The following ACSM6 variants were observed in gnomAD, a reference collection of about 807,000 sequenced individuals.
ACSM6 encodes acyl-coenzyme A synthetase ACSM6, mitochondrial.
ACSM6 carries 35 observed loss-of-function variants against 51.1 expected under a neutral mutation model. The ratio of observed to expected loss-of-function variants is 0.69; its 90% confidence interval spans 0.52 to 0.91. The LOEUF (loss-of-function observed/expected upper bound fraction) is 0.91, where lower values mean the gene tolerates loss of function less well. ACSM6 is among the 40% of genes least tolerant of loss of function. The pLI, the probability that ACSM6 is intolerant of heterozygous loss-of-function variation, is 0.00. For missense variants in ACSM6, 509 were observed against 584.1 expected (o/e 0.87, Z 1.32); for synonymous variants, 172 against 207.3 (o/e 0.83, Z 1.46).
At position 95,225,055 on chromosome 10, in the gene ACSM6, A is replaced by G. The variant is rs539925841; in HGVS notation, c.1201-235A>G. On this transcript the variant is annotated intron_variant, in intron 9 of 10. Transcript: ENST00000341686. ...ACAGAGAAGTATCCAAGAATCTCAG[A>G]GTCAGAAGGTGTCAGAGTGGACATG... Among the ~76,000 whole-genome samples, 6 of 152,350 alleles carry G rather than the reference A, an allele frequency of 3.9e-5. No homozygotes were observed. The South Asian group carries it at 1.2e-3, about 32-fold the overall frequency.
intron 2 of ACSM6, among the ~76,000 whole-genome samples, chr10:95,200,175 T>G (rs1039069569): frequency 3.3e-5 from 5 of 151,996 alleles, no homozygotes. Context: ...CCATAAAAAA[T>G]GATGAGTTCA....
In ACSM6 at chr10:95,225,280, C is replaced by T. The variant is rs1220084546; in HGVS notation, c.1201-10C>T. 4 of 1,532,548 alleles carry T rather than the reference C, an allele frequency of 2.6e-6. No homozygotes were observed. The highest frequency in any genetic ancestry group is 1.4e-5 in the African/African-American group (1 of 72,594). The allele number at this position is 1,532,548 out of a possible 1,614,324, so 94.9% of individuals were successfully genotyped here. A position where few individuals can be genotyped will look rare whatever the true frequency, so the allele number is the denominator to read the frequency against. ...TAAGGAAAATTCCTTTAGTGATTAT[C>T]TAATTTCAGATTGTGGATGAAAACT... is the stretch of plus-strand genomic sequence containing the variant. On this transcript the variant is annotated splice_polypyrimidine_tract_variant and intron_variant, in intron 9 of 10. Coordinates refer to ENST00000341686, the Ensembl canonical transcript of ACSM6.
At chr10:95,220,468 A>T (rs1349589773) in intron 9 of ACSM6, among the ~76,000 whole-genome samples, 6 of 152,196 alleles carry the variant, frequency 3.9e-5, no homozygotes, top group Non-Finnish European at 8.8e-5. Context: ...TGGTAGGGCA[A>T]ATGCTGTGTC....
rs190203176 is a variant in ACSM6 at position 95,202,559 on chromosome 10, T to C, written c.403+364T>C. ...GTAGACCTCTGTCCTAACATAGTCATCATCAAAACAACAGACAGAGCATGC... is the reference window on the plus strand; with the variant it reads ...GTAGACCTCTGTCCTAACATAGTCACCATCAAAACAACAGACAGAGCATGC... On this transcript the variant is annotated intron_variant, in intron 3 of 10. Transcript: ENST00000341686. Among the ~76,000 whole-genome samples, 15 of 152,304 alleles carry C rather than the reference T, an allele frequency of 9.8e-5. No individual in the cohort carries two copies. In the East Asian group the frequency reaches 2.7e-3, roughly 27 times the overall value.
chr10:95,227,738 A>G (rs145785742), intron 10 of ACSM6, among the ~76,000 whole-genome samples: 146 of 152,346 alleles, frequency 9.6e-4, no homozygotes, highest in Non-Finnish European at 1.8e-3. Context: ...ATCTGGACAC[A>G]TTGGTGACGT....
At chr10:95,204,464 G>A (rs1157839379) in intron 3 of ACSM6, among the ~76,000 whole-genome samples, 2 of 152,224 alleles carry the variant, frequency 1.3e-5, no homozygotes, top group East Asian at 1.9e-4. Flanking sequence ...TGAGGCAGGA[G>A]AATCGCTTGA....
chr10:95,216,626 T>C (rs1465717768), intron 8 of ACSM6, among the ~76,000 whole-genome samples: 7 of 152,020 alleles, frequency 4.6e-5, no homozygotes, highest in Non-Finnish European at 5.9e-5. Flanking sequence ...GAATTGCACA[T>C]AGCGTCAGAG....
intron 3 of ACSM6, among the ~76,000 whole-genome samples, chr10:95,203,379 A>G (rs550085435): frequency 6.6e-6 from 1 of 152,294 alleles, no homozygotes; most frequent in Non-Finnish European, 1.5e-5. Flanking sequence ...TAAAGTGCAC[A>G]ATAAATGTAA....
chr10:95,211,566 C>G (rs1012360797), intron 5 of ACSM6, among the ~76,000 whole-genome samples: 3 of 152,204 alleles, frequency 2.0e-5, no homozygotes, highest in Admixed American at 6.5e-5. Context: ...ACAGGGGAAG[C>G]TGAGATCACT....
intron 2 of ACSM6, among the ~76,000 whole-genome samples, chr10:95,195,838 ACTTCT>A (rs2034719879): frequency 6.6e-6 from 1 of 152,192 alleles, no homozygotes; most frequent in Non-Finnish European, 1.5e-5. Flanking sequence ...AAGAGGGAAG[ACTTCT>A]GTTTAGGAGA....
At chr10:95,198,756 G>T (rs1246372631) in intron 2 of ACSM6, among the ~76,000 whole-genome samples, 1 of 152,164 alleles carries the variant, frequency 6.6e-6, no homozygotes, top group Non-Finnish European at 1.5e-5. Context: ...AAAATTAATG[G>T]CAGGGGAGAG....
intron 2 of ACSM6, among the ~76,000 whole-genome samples, chr10:95,195,910 A>T (rs780719483): frequency 2.0e-5 from 3 of 152,066 alleles, no homozygotes; most frequent in Non-Finnish European, 4.4e-5. Flanking sequence ...AAGGATTGTG[A>T]AAGCTCCTTG....
At chr10:95,201,205 T>G (rs1458086850) in intron 2 of ACSM6, among the ~76,000 whole-genome samples, 2 of 152,206 alleles carry the variant, frequency 1.3e-5, no homozygotes, top group Non-Finnish European at 2.9e-5. Context: ...GAGGTGCATG[T>G]GCAGGTTTGT....
At chr10:95,202,451 G>A (rs567842607) in intron 3 of ACSM6, among the ~76,000 whole-genome samples, 4 of 152,160 alleles carry the variant, frequency 2.6e-5, no homozygotes, top group South Asian at 2.1e-4. Context: ...GAACTGTTAC[G>A]GTCCAGTCTT....
Position 95,201,968 on chromosome 10 carries a change from A to G in ACSM6, c.193-17A>G. The G allele has an allele frequency of 6.5e-7, 1 of 1,548,096 alleles. No homozygotes were observed. The highest frequency in any genetic ancestry group is 2.0e-5 in the Admixed American group (1 of 50,964). On this transcript the variant is annotated splice_polypyrimidine_tract_variant and intron_variant, in intron 2 of 10. Coordinates refer to ENST00000341686, the Ensembl canonical transcript of ACSM6. Reference sequence around the variant, plus strand: ...CATGCTGACTAATATTCATATTTTAAACATCACCCTGCCTAGGACGGACTC... The same window carrying G: ...CATGCTGACTAATATTCATATTTTAGACATCACCCTGCCTAGGACGGACTC...
chr10:95,228,533 T>C (rs2035063628), intron 10 of ACSM6, 111 bp from the exon 11 acceptor site: 2 of 1,124,112 alleles, frequency 1.8e-6, no homozygotes, highest in Admixed American at 6.8e-5. Flanking sequence ...GTGGGGATCC[T>C]GACTTATTTT....
intron 7 of ACSM6, among the ~76,000 whole-genome samples, chr10:95,213,475 A>G (rs933902318): frequency 2.6e-5 from 4 of 152,200 alleles, no homozygotes; most frequent in Non-Finnish European, 5.9e-5. Flanking sequence ...GATTATATAG[A>G]TGGTATCTGT....
At chr10:95,210,936 G>A (rs2034887172) in intron 5 of ACSM6, 143 bp downstream of exon 5, 1 of 1,002,692 alleles carries the variant, frequency 1.0e-6, no homozygotes. Flanking sequence ...CAGGGCTGAG[G>A]GCCCCAAAAG....
In ACSM6 at chr10:95,207,197, G is replaced by T. The variant is rs112915017; in HGVS notation, c.404-11G>T. 4.3e-6 allele frequency: 7 copies of T among 1,613,334 alleles called. No individual in the cohort carries two copies. In the East Asian group the frequency reaches 8.9e-5, roughly 21 times the overall value. On this transcript the variant is annotated splice_polypyrimidine_tract_variant and intron_variant, in intron 3 of 10. Coordinates refer to ENST00000341686, the Ensembl canonical transcript of ACSM6. ...GATAAAAATGAAGCCTTCTTTTGTG[G>T]TTTTTTTCAGGAATCACCTTTGTGC...
Sources: allele counts gnomAD v4.1 joint callset (sites outside exome capture counted in the v4.1 genomes callset), GRCh38; gene constraint gnomAD v4.1.1; transcripts MANE v1.5; gene names NCBI Gene and HGNC (gene_info 2026-07-23, HGNC 2026-07-21).